Variants in PKHD1L1 observed in about 807,000 individuals in gnomAD.
PKHD1L1 encodes PKHD1 like 1.
In PKHD1L1, 434 loss-of-function variants were observed where a neutral mutation model predicts 462.9. That is an observed-to-expected ratio of 0.94 (90% CI 0.87 to 1.02). The LOEUF is 1.02. PKHD1L1 is among the 50% of genes least tolerant of loss of function. PKHD1L1 has a pLI of 0.00. For synonymous variants in PKHD1L1, 1,781 were observed against 1,750.0 expected, an observed-to-expected ratio of 1.02 and a Z score of -0.44; for missense variants, 5,202 against 5,096.1, an observed-to-expected ratio of 1.02 and a Z score of -0.63.
intron 9 of PKHD1L1, 63 bp from the exon 10 acceptor site, chr8:109,394,352 G>A: frequency 9.2e-7 from 1 of 1,086,220 alleles, no homozygotes; most frequent in East Asian, 2.6e-5. Context: ...TATCACTGAA[G>A]TTAAAAAAAT....
chr8:109,521,755 A>G (rs1820561568), intron 73 of PKHD1L1, among the ~76,000 whole-genome samples: 1 of 152,214 alleles, frequency 6.6e-6, no homozygotes, highest in African/African-American at 2.4e-5. Flanking sequence ...AGCAACTAGT[A>G]TATTAATACA....
At position 109,466,787 on chromosome 8, in the gene PKHD1L1, G is replaced by C. The variant is rs1669669157; in HGVS notation, c.8605+18G>C. The C allele has an allele frequency of 6.3e-7, 1 of 1,576,286 alleles. No homozygotes were observed. The highest frequency in any genetic ancestry group is 8.6e-7 in the Non-Finnish European group (1 of 1,162,318). ...CTCTTTTGGTAAGTGGAATATATTA[G>C]TTTAAACAACTAATTTAAATATATC... On this transcript the variant is annotated intron_variant, in intron 50 of 77. Coordinates refer to ENST00000378402, the MANE Select transcript of PKHD1L1 (RefSeq NM_177531.6).
In PKHD1L1 at chr8:109,445,344, C is replaced by T. The variant is rs754134470; in HGVS notation, c.5475C>T (p.Asn1825=). 1 of 1,613,942 alleles carries T rather than the reference C, an allele frequency of 6.2e-7. No individual in the cohort carries two copies. The highest frequency in any genetic ancestry group is 8.5e-7 in the Non-Finnish European group (1 of 1,179,874). ...VVGSKGLALG[N]LTVSSPPVAS... ...GAAGTAAAGGCTTGGCTCTGGGAAA[C>T]CTGACTGTCAGCAGCCCCCCAGTAG... The change falls in exon 38 of 78, where the codon AAC becomes AAT. Residue 1825 remains asparagine (N), a synonymous_variant. Transcript: ENST00000378402.
At chr8:109,441,685 A>G (rs111707606) in intron 34 of PKHD1L1, among the ~76,000 whole-genome samples, 38 of 152,278 alleles carry the variant, frequency 2.5e-4, no homozygotes, top group African/African-American at 8.9e-4. Flanking sequence ...GAATATTCCA[A>G]TTAAAATTGA....
intron 43 of PKHD1L1, among the ~76,000 whole-genome samples, chr8:109,453,820 C>G (rs1471169045): frequency 6.6e-6 from 1 of 151,934 alleles, no homozygotes; most frequent in East Asian, 1.9e-4. Context: ...TGCTTTTGTT[C>G]TTAATTTATA....
chr8:109,511,078 A>G, intron 71 of PKHD1L1, 144 bp downstream of exon 71: 1 of 941,078 alleles, frequency 1.1e-6, no homozygotes. Context: ...CACTGAAATT[A>G]TTATTAGCCT....
At chr8:109,397,781 C>A (rs1345695609) in intron 11 of PKHD1L1, among the ~76,000 whole-genome samples, 1 of 152,166 alleles carries the variant, frequency 6.6e-6, no homozygotes, top group African/African-American at 2.4e-5. Context: ...ATATCTCTCT[C>A]CATTTCCCTT....
At chr8:109,466,322 A>C (rs967754522) in intron 49 of PKHD1L1, among the ~76,000 whole-genome samples, 1 of 152,094 alleles carries the variant, frequency 6.6e-6, no homozygotes, top group African/African-American at 2.4e-5. Context: ...CCCACTTCCC[A>C]TTTCCAAGTT....
At chr8:109,488,911 T>C (rs1353617886) in intron 59 of PKHD1L1, among the ~76,000 whole-genome samples, 1 of 151,986 alleles carries the variant, frequency 6.6e-6, no homozygotes, top group Non-Finnish European at 1.5e-5. Context: ...ATTAAAGGGG[T>C]AAAGTTGCTT....
intron 50 of PKHD1L1, 74 bp from the exon 51 acceptor site, chr8:109,475,044 C>T (rs904155735): frequency 3.0e-5 from 41 of 1,368,276 alleles, no homozygotes; most frequent in Non-Finnish European, 3.7e-5. Context: ...CTAACTTTTG[C>T]ACTTGTTTAC....
At chr8:109,384,403 C>G (rs1444482644) in intron 5 of PKHD1L1, among the ~76,000 whole-genome samples, 1 of 151,900 alleles carries the variant, frequency 6.6e-6, no homozygotes, top group Non-Finnish European at 1.5e-5. Flanking sequence ...ATTAGCCAGG[C>G]TTGGTGGCAA....
chr8:109,370,178 G>A (rs1185243785), intron 2 of PKHD1L1, among the ~76,000 whole-genome samples: 5 of 152,080 alleles, frequency 3.3e-5, no homozygotes, highest in Non-Finnish European at 2.9e-5. Flanking sequence ...GAGTGCAATG[G>A]CGTGATCTTG....
At chr8:109,390,895 G>T (rs1812681229) in intron 9 of PKHD1L1, among the ~76,000 whole-genome samples, 1 of 152,116 alleles carries the variant, frequency 6.6e-6, no homozygotes, top group Non-Finnish European at 1.5e-5. Flanking sequence ...TCAAGACATA[G>T]AGAGTTGTGA....
At position 109,531,902 on chromosome 8, in the gene PKHD1L1, G is replaced by T. The variant is rs185356101; in HGVS notation, c.*1812G>T. Among the ~76,000 whole-genome samples the T allele has an allele frequency of 6.6e-6, 1 of 152,196 alleles. No homozygotes were observed. Among genetic ancestry groups the T allele is most frequent in the East Asian group, 1.9e-4 (1 of 5,196 alleles). ...CCCAACATGGGCCATTTCACGCTGA[G>T]ACTTAAAAATCAGTCTTCCTAAGGC... On this transcript the variant is annotated 3_prime_UTR_variant, in exon 78 of 78. Transcript: ENST00000378402.
intron 6 of PKHD1L1, among the ~76,000 whole-genome samples, 189 bp from the exon 7 acceptor site, chr8:109,388,308 A>G (rs1812536334): frequency 6.6e-6 from 1 of 152,176 alleles, no homozygotes; most frequent in Non-Finnish European, 1.5e-5. Flanking sequence ...GATGTGTGCC[A>G]GTACCTAGAA....
At chr8:109,523,023 T>A in intron 75 of PKHD1L1, 133 bp downstream of exon 75, 1 of 1,087,818 alleles carries the variant, frequency 9.2e-7, no homozygotes, top group Admixed American at 3.0e-5. Flanking sequence ...TGGACTAATA[T>A]CCAAGGATAC....
At position 109,400,157 on chromosome 8, in the gene PKHD1L1, C is replaced by A. The variant is rs754269006; in HGVS notation, c.1094C>A (p.Thr365Lys). Residue 365 changes from threonine (T) to lysine (K), a missense_variant, in exon 13 of 78, where the codon ACG becomes AAG. Transcript: ENST00000378402. ...LEEILEYNEK[T>K]PGYMGASWVD... ...GAGATACTGGAATACAATGAAAAAA[C>A]GCCTGGGTACATGGGTGCCAGTTGG... The A allele has an allele frequency of 2.5e-6, 4 of 1,613,634 alleles. No individual in the cohort carries two copies. Among genetic ancestry groups the A allele is most frequent in the Admixed American group, 1.7e-5 (1 of 59,964 alleles).
intron 72 of PKHD1L1, among the ~76,000 whole-genome samples, chr8:109,517,295 A>G (rs1036393628): frequency 6.6e-6 from 1 of 152,072 alleles, no homozygotes; most frequent in African/African-American, 2.4e-5. Flanking sequence ...ATATTTTGGG[A>G]GTTACCCAAA....
rs1312622389 is a variant in PKHD1L1, at chr8:109,415,861, A to G, written c.2360+2316A>G. 8.8e-3 allele frequency among the ~76,000 whole-genome samples: 513 copies of G among 58,554 alleles called. 7 individuals carry two copies. Among genetic ancestry groups the G allele is most frequent in the African/African-American group, 0.027 (423 of 15,686 alleles). The allele number at this position is 58,554 out of a possible 152,430, so 38.4% of individuals were successfully genotyped here. A position where few individuals can be genotyped will look rare whatever the true frequency, so the allele number is the denominator to read the frequency against. On this transcript the variant is annotated intron_variant, in intron 21 of 77. Transcript: ENST00000378402. ...AGACCTTGTCTTAAAAAAAAAAAAA[A>G]GGGGTGTGTGTGTGTGTGTGTGTGT...
Sources: gnomAD v4.1 joint callset for allele counts (sites outside exome capture counted in the v4.1 genomes callset) on GRCh38, gnomAD v4.1.1 for gene constraint, MANE v1.5 for transcripts, NCBI Gene and HGNC (gene_info 2026-07-23, HGNC 2026-07-21) for gene names.